The following CFAP77 variants were observed in gnomAD, a reference collection of about 807,000 sequenced individuals.
The protein encoded by CFAP77 is cilia- and flagella-associated protein 77.
A neutral mutation model predicts 31.1 loss-of-function variants in CFAP77; 25 were observed. That is an observed-to-expected ratio of 0.80 (90% CI 0.59 to 1.12). CFAP77 has a LOEUF of 1.12. CFAP77 is among the 50% of genes most tolerant of loss of function. The pLI is 0.00. For missense variants in CFAP77, 377 were observed against 397.3 expected (o/e 0.95, Z 0.44); for synonymous variants, 151 against 159.9 (o/e 0.94, Z 0.42).
Position 132,554,270 on chromosome 9 carries a change from G to A in CFAP77, c.732+11223G>A, listed in dbSNP as rs1462387544. 1.3e-5 allele frequency among the ~76,000 whole-genome samples: 2 copies of A among 152,182 alleles called. No individual in the cohort carries two copies. The highest frequency in any genetic ancestry group is 2.9e-5 in the Non-Finnish European group (2 of 68,026). ...TGTGGCAGAAATTGAGCAAGGGTTA[G>A]AATCTGTTTAAACCAGGGGCCTGAG... On this transcript the variant is annotated intron_variant, in intron 5 of 5. Transcript: ENST00000393216. The surrounding 1 kb of genome is among the most constrained non-coding windows in gnomAD (Gnocchi z 4.1).
At chr9:132,509,558 C>G (rs1851996638) in intron 3 of CFAP77, among the ~76,000 whole-genome samples, 1 of 152,186 alleles carries the variant, frequency 6.6e-6, no homozygotes, top group Admixed American at 6.5e-5. Context: ...CACTTGAGGT[C>G]AGGAGTTCGA....
Position 132,572,608 on chromosome 9 carries a change from A to G in CFAP77, c.*98A>G, listed in dbSNP as rs1829975210. The G allele has an allele frequency of 9.7e-6, 12 of 1,242,998 alleles. No homozygotes were observed. The highest frequency in any genetic ancestry group is 1.5e-5 in the African/African-American group (1 of 66,148). 77.0% of individuals were successfully genotyped at this position (1,242,998 alleles called of 1,614,324 possible). On this transcript the variant is annotated 3_prime_UTR_variant, in exon 6 of 6. Transcript: ENST00000393216. The stretch of plus-strand genomic sequence containing the variant: ...CCAACCCTGACATTCCCCCATTTTT[A>G]TGCAGGTTCTGCTTCAAGGAGCTCA...
At chr9:132,518,820 C>G (rs748141269) in intron 3 of CFAP77, among the ~76,000 whole-genome samples, 1 of 152,226 alleles carries the variant, frequency 6.6e-6, no homozygotes, top group Non-Finnish European at 1.5e-5. Flanking sequence ...CTCTGAGCTC[C>G]GGCCACACTG....
chr9:132,431,472 GGATGCTAT>G (rs1230034578), intron 1 of CFAP77, among the ~76,000 whole-genome samples: 1 of 152,134 alleles, frequency 6.6e-6, no homozygotes, highest in Non-Finnish European at 1.5e-5. Context: ...AATTTAAAGT[GGATGCTAT>G]GACTGCGCTT....
chr9:132,539,601 C>T lies in CFAP77; in HGVS notation c.630+1895C>T, dbSNP rs151168444. 2.8e-4 allele frequency among the ~76,000 whole-genome samples: 42 copies of T among 152,102 alleles called. No homozygotes were observed. The highest frequency in any genetic ancestry group is 4.6e-4 in the Non-Finnish European group (31 of 68,026). On this transcript the variant is annotated intron_variant, in intron 4 of 5. Coordinates refer to ENST00000393216, the MANE Select transcript of CFAP77 (RefSeq NM_001282957.2). The surrounding 1 kb of genome is among the most constrained non-coding windows in gnomAD (Gnocchi z 4.3). The stretch of plus-strand genomic sequence containing the variant: ...GATGTTCTAGGGCCAACCAGGGGAT[C>T]GGAGGAGTCTTTCTCGAAATCCTGG...
Position 132,564,844 on chromosome 9 carries a change from G to A in CFAP77, c.733-7544G>A, listed in dbSNP as rs1589928904. ...AAATGGGGCCCACCGCTCTAGATGC[G>A]GGAAGCAAAGTGAGACCTCCGTTCA... On this transcript the variant is annotated intron_variant, in intron 5 of 5. Transcript: ENST00000393216. The surrounding 1 kb of genome is among the most constrained non-coding windows in gnomAD (Gnocchi z 4.6). Among the ~76,000 whole-genome samples, 1 of 152,180 alleles carries A rather than the reference G, an allele frequency of 6.6e-6. No homozygotes were observed. Among genetic ancestry groups the A allele is most frequent in the African/African-American group, 2.4e-5 (1 of 41,434 alleles).
rs1564237188 is a variant in CFAP77 at position 132,517,355 on chromosome 9, A to G, written c.524+17755A>G. Among the ~76,000 whole-genome samples, 1 of 152,244 alleles carries G rather than the reference A, an allele frequency of 6.6e-6. No homozygotes were observed. The highest frequency in any genetic ancestry group is 1.5e-5 in the Non-Finnish European group (1 of 68,048). On this transcript the variant is annotated intron_variant, in intron 3 of 5. Coordinates refer to ENST00000393216, the MANE Select transcript of CFAP77 (RefSeq NM_001282957.2). This position sits in a 1 kb window ranked among gnomAD's most constrained non-coding sequence, Gnocchi z 4.7. ...CAAAATAGCTGTCTCCACTGGAAGA[A>G]GCATCAAGAGCCAAATAAGGACCCG...
At chr9:132,491,819 T>C (rs986705453) in intron 1 of CFAP77, among the ~76,000 whole-genome samples, 1 of 152,250 alleles carries the variant, frequency 6.6e-6, no homozygotes, top group Non-Finnish European at 1.5e-5. Context: ...GACCAGACTG[T>C]GCCGTAGGAA....
At chr9:132,422,385 A>G (rs998060883) in intron 1 of CFAP77, among the ~76,000 whole-genome samples, 1 of 152,172 alleles carries the variant, frequency 6.6e-6, no homozygotes, top group Non-Finnish European at 1.5e-5. Context: ...CACATTGCGG[A>G]GGAGTGCAGG....
Position 132,495,826 on chromosome 9 carries a change from T to C in CFAP77, c.196-2869T>C, listed in dbSNP as rs1455957520. Among the ~76,000 whole-genome samples the C allele has an allele frequency of 2.6e-5, 4 of 152,178 alleles. No individual in the cohort carries two copies. The highest frequency in any genetic ancestry group is 5.9e-5 in the Non-Finnish European group (4 of 68,044). On this transcript the variant is annotated intron_variant, in intron 1 of 5. Coordinates refer to ENST00000393216, the MANE Select transcript of CFAP77 (RefSeq NM_001282957.2). The surrounding 1 kb of genome is among the most constrained non-coding windows in gnomAD (Gnocchi z 4.2). The stretch of plus-strand genomic sequence containing the variant: ...TTAAATGAAGAGGAAGAAAGCTAAC[T>C]CTATCTCTGCTCTCTGCCACGTGAA...
In CFAP77 at chr9:132,490,610, C is replaced by T. The variant is rs987466606; in HGVS notation, c.196-8085C>T. On this transcript the variant is annotated intron_variant, in intron 1 of 5. Coordinates refer to ENST00000393216, the MANE Select transcript of CFAP77 (RefSeq NM_001282957.2). The surrounding 1 kb of genome is among the most constrained non-coding windows in gnomAD (Gnocchi z 4.6). Reference sequence around the variant, plus strand: ...GGCACTCCCACCTCTGGCTCCAGGCCGCTCCCTGCTCTAAGTCCCCTTGGC... The same window carrying T: ...GGCACTCCCACCTCTGGCTCCAGGCTGCTCCCTGCTCTAAGTCCCCTTGGC... Among the ~76,000 whole-genome samples, 4 of 152,144 alleles carry T rather than the reference C, an allele frequency of 2.6e-5. No homozygotes were observed. The highest frequency in any genetic ancestry group is 2.6e-4 in the Admixed American group (4 of 15,278).
chr9:132,457,377 C>G (rs1219723569), intron 1 of CFAP77, among the ~76,000 whole-genome samples: 1 of 152,150 alleles, frequency 6.6e-6, no homozygotes, highest in East Asian at 1.9e-4. Flanking sequence ...AAAAGTGCAG[C>G]GAGGAATAGC....
intron 3 of CFAP77, among the ~76,000 whole-genome samples, chr9:132,530,059 GTGTT>G (rs1197703287): frequency 6.7e-6 from 1 of 148,920 alleles, no homozygotes; most frequent in Non-Finnish European, 1.5e-5. Context: ...ATTCTTTCAT[GTGTT>G]TGTTTGCCAT....
chr9:132,439,189 A>T (rs1850571204), intron 1 of CFAP77, among the ~76,000 whole-genome samples: 1 of 151,964 alleles, frequency 6.6e-6, no homozygotes, highest in African/African-American at 2.4e-5. Flanking sequence ...AATATTCTTA[A>T]ATTAAGGCTT....
chr9:132,513,478 G>C (rs1852077643), intron 3 of CFAP77: 1 of 1,176,952 alleles, frequency 8.5e-7, no homozygotes. Context: ...CCCGAGGTTG[G>C]AGCACGCATG....
intron 1 of CFAP77, among the ~76,000 whole-genome samples, chr9:132,439,717 C>T (rs913493648): frequency 4.0e-5 from 6 of 151,886 alleles, no homozygotes; most frequent in Admixed American, 2.6e-4. Flanking sequence ...GGCGTGGTGG[C>T]GGGCGCCTGT....
chr9:132,470,012 T>C (rs1362649634), intron 1 of CFAP77, among the ~76,000 whole-genome samples: 2 of 152,046 alleles, frequency 1.3e-5, no homozygotes, highest in African/African-American at 4.8e-5. Context: ...GCTAATTTTG[T>C]GTTTTTAGTA....
At chr9:132,448,961 T>C (rs999568162) in intron 1 of CFAP77, among the ~76,000 whole-genome samples, 7 of 151,954 alleles carry the variant, frequency 4.6e-5, no homozygotes, top group African/African-American at 1.7e-4. Flanking sequence ...TCTAGAATAA[T>C]TGGGAGATAG....
rs1175785146 is a variant in CFAP77, at chr9:132,539,405, T to A, written c.630+1699T>A. On this transcript the variant is annotated intron_variant, in intron 4 of 5. Transcript: ENST00000393216. This position sits in a 1 kb window ranked among gnomAD's most constrained non-coding sequence, Gnocchi z 4.3. ...GCCCTGAGGTCAGTCTCTCCTCCTA[T>A]CATCTCAGTTTGGTTTATTTCACGG... 6.6e-6 allele frequency among the ~76,000 whole-genome samples: 1 copy of A among 152,130 alleles called. No homozygotes were observed. The highest frequency in any genetic ancestry group is 2.4e-5 in the African/African-American group (1 of 41,420).
Sources: allele counts gnomAD v4.1 joint callset (sites outside exome capture counted in the v4.1 genomes callset), GRCh38; gene constraint gnomAD v4.1.1; non-coding constraint Gnocchi (gnomAD v3.1); transcripts MANE v1.5; gene names NCBI Gene and HGNC (gene_info 2026-07-23, HGNC 2026-07-21).